The following TFEC variants were observed in gnomAD, a reference collection of about 807,000 sequenced individuals.
The protein encoded by TFEC is transcription factor EC.
A neutral mutation model predicts 41.6 loss-of-function variants in TFEC; 31 were observed. The observed-to-expected ratio is 0.74, with a 90% CI of 0.56 to 1.01. The LOEUF is 1.01. TFEC is among the 50% of genes least tolerant of loss of function. The pLI, the probability that TFEC is intolerant of heterozygous loss-of-function variation, is 0.00. For missense variants in TFEC, 402 were observed against 404.1 expected, an observed-to-expected ratio of 0.99 and a Z score of 0.04; for synonymous variants, 143 against 140.6, an observed-to-expected ratio of 1.02 and a Z score of -0.12.
chr7:116,142,411 C>G (rs977552318), intron 1 of TFEC, among the ~76,000 whole-genome samples: 1 of 152,114 alleles, frequency 6.6e-6, no homozygotes, highest in African/African-American at 2.4e-5. Flanking sequence ...AGAATGTACT[C>G]CCACATACAG....
At chr7:116,048,946 C>T (rs1363781249) in intron 3 of TFEC, among the ~76,000 whole-genome samples, 2 of 152,114 alleles carry the variant, frequency 1.3e-5, no homozygotes, top group Non-Finnish European at 2.9e-5. Flanking sequence ...GATTTTGTCA[C>T]CACCAAGCCT....
At chr7:116,045,465 G>A (rs960004868) in intron 3 of TFEC, among the ~76,000 whole-genome samples, 1 of 152,234 alleles carries the variant, frequency 6.6e-6, no homozygotes, top group Non-Finnish European at 1.5e-5. Flanking sequence ...TATGGCTTCA[G>A]AGGGTGGAAG....
chr7:116,036,323 C>T (rs1258784204), intron 3 of TFEC, among the ~76,000 whole-genome samples: 1 of 152,060 alleles, frequency 6.6e-6, no homozygotes, highest in East Asian at 1.9e-4. Flanking sequence ...TGGTTTCAGG[C>T]TGCCTTCACG....
At chr7:116,113,095 ATG>A (rs1428317703) in intron 1 of TFEC, among the ~76,000 whole-genome samples, 1 of 151,954 alleles carries the variant, frequency 6.6e-6, no homozygotes, top group African/African-American at 2.4e-5. Flanking sequence ...CATATTCTGA[ATG>A]TGTGCTTCCT....
intron 1 of TFEC, among the ~76,000 whole-genome samples, chr7:116,016,846 A>G (rs898760076): frequency 9.9e-5 from 15 of 152,032 alleles, no homozygotes; most frequent in African/African-American, 3.4e-4. Context: ...ATCTCTCTAT[A>G]TAATCACAAA....
chr7:116,145,809 G>A (rs904833048), intron 1 of TFEC, among the ~76,000 whole-genome samples: 6 of 152,138 alleles, frequency 3.9e-5, no homozygotes, highest in Non-Finnish European at 7.4e-5. Context: ...TTCTAGAGCA[G>A]GCAAAACTTC....
intron 3 of TFEC, among the ~76,000 whole-genome samples, chr7:116,048,765 AG>A (rs919849828): frequency 9.2e-5 from 14 of 152,378 alleles, no homozygotes; most frequent in Admixed American, 7.2e-4. Flanking sequence ...GAAGCCCATC[AG>A]ACTAACAGTG....
In TFEC at chr7:115,984,401, C is replaced by A. The variant is rs1285871261; in HGVS notation, c.41G>T (p.Trp14Leu). The A allele has an allele frequency of 1.6e-5, 26 of 1,613,944 alleles. No individual in the cohort carries two copies. Among genetic ancestry groups the A allele is most frequent in the Middle Eastern group, 1.6e-4 (1 of 6,082 alleles). ...ACCACTTGGCACTGCAGGTTGTGAC[C>A]ATTTAAGAGTTGGATTGATGATCTG... ...DHQIINPTLK[W>L]SQPAVPSGGP... The change falls in exon 2 of 8, where the codon TGG (tryptophan) becomes TTG (leucine). Residue 14 changes from tryptophan (W) to leucine (L), a missense_variant. Transcript: ENST00000265440.
chr7:115,972,047 T>A (rs567839707), intron 3 of TFEC, among the ~76,000 whole-genome samples: 4 of 152,184 alleles, frequency 2.6e-5, no homozygotes, highest in South Asian at 4.1e-4. Context: ...ACTATAAAAA[T>A]CCTTCAGAGT....
intron 5 of TFEC, among the ~76,000 whole-genome samples, chr7:115,951,479 G>A (rs1040771031): frequency 2.6e-5 from 4 of 151,818 alleles, no homozygotes; most frequent in African/African-American, 9.7e-5. Flanking sequence ...TATAGGAGGT[G>A]GTAAATAAAT....
At chr7:116,087,008 T>C (rs1328925291) in intron 3 of TFEC, among the ~76,000 whole-genome samples, 1 of 151,976 alleles carries the variant, frequency 6.6e-6, no homozygotes, top group Non-Finnish European at 1.5e-5. Context: ...TTTCCACTGG[T>C]AAAATTCATT....
intron 1 of TFEC, among the ~76,000 whole-genome samples, chr7:115,998,047 G>A (rs898178720): frequency 6.6e-6 from 1 of 151,976 alleles, no homozygotes; most frequent in Non-Finnish European, 1.5e-5. Context: ...TATTCAAATG[G>A]GTAATAACAC....
intron 2 of TFEC, among the ~76,000 whole-genome samples, chr7:115,979,735 T>A (rs1478968205): frequency 6.6e-6 from 1 of 152,172 alleles, no homozygotes; most frequent in Non-Finnish European, 1.5e-5. Flanking sequence ...TCTATGTATG[T>A]TATTCATCCT....
chr7:116,096,589 G>A (rs956242005), intron 3 of TFEC, among the ~76,000 whole-genome samples: 81 of 148,570 alleles, frequency 5.5e-4, no homozygotes, highest in Admixed American at 8.1e-4. Context: ...CTTACTATGC[G>A]TTTTTTTTTT....
At chr7:116,094,596 C>T (rs1797407496) in intron 3 of TFEC, among the ~76,000 whole-genome samples, 1 of 152,158 alleles carries the variant, frequency 6.6e-6, no homozygotes, top group Admixed American at 6.5e-5. Context: ...AGGAGAATTG[C>T]TTGAACCTGG....
chr7:115,965,546 TA>T (rs1413717380), intron 3 of TFEC, among the ~76,000 whole-genome samples: 2 of 151,664 alleles, frequency 1.3e-5, no homozygotes, highest in Admixed American at 6.6e-5. Flanking sequence ...TTGAAGTTAC[TA>T]ATGTCTCCAA....
intron 1 of TFEC, among the ~76,000 whole-genome samples, chr7:116,142,621 G>A (rs1239648233): frequency 6.6e-6 from 1 of 152,154 alleles, no homozygotes; most frequent in Non-Finnish European, 1.5e-5. Context: ...GGGCTCTTCA[G>A]ATGCTCTTAA....
chr7:116,006,823 T>G (rs1055054246), intron 1 of TFEC, among the ~76,000 whole-genome samples: 3 of 151,838 alleles, frequency 2.0e-5, no homozygotes, highest in Non-Finnish European at 4.4e-5. Flanking sequence ...TGGTGGGAGG[T>G]AATTGAATCA....
chr7:115,958,392 C>A (rs906071662), intron 3 of TFEC, among the ~76,000 whole-genome samples: 1 of 151,854 alleles, frequency 6.6e-6, no homozygotes, highest in African/African-American at 2.4e-5. Context: ...TGAGGCATCA[C>A]CAGCTTGAAT....
Sources: gnomAD v4.1 joint callset for allele counts (sites outside exome capture counted in the v4.1 genomes callset) on GRCh38, gnomAD v4.1.1 for gene constraint, MANE v1.5 for transcripts, NCBI Gene and HGNC (gene_info 2026-07-23, HGNC 2026-07-21) for gene names.